Variants in MYO5A observed in about 807,000 individuals in gnomAD.
MYO5A encodes the protein unconventional myosin-Va.
A neutral mutation model predicts 249.7 loss-of-function variants in MYO5A; 98 were observed. The ratio of observed to expected loss-of-function variants is 0.39; its 90% CI spans 0.33 to 0.46. The LOEUF is 0.46. Ranked by LOEUF, MYO5A falls within the 20% of genes least tolerant of loss-of-function variation. The pLI is 0.98. For synonymous variants in MYO5A, 778 were observed against 810.6 expected, an observed-to-expected ratio of 0.96 and a Z score of 0.68; for missense variants, 1,696 against 2,308.8, an observed-to-expected ratio of 0.73 and a Z score of 5.44.
chr15:52,387,790 G>T, intron 14 of MYO5A, 39 bp downstream of exon 14: 1 of 1,389,116 alleles, frequency 7.2e-7, no homozygotes, highest in Non-Finnish European at 1.0e-6. Flanking sequence ...CTAATGCTTT[G>T]CATACATCCT....
At chr15:52,410,892 A>G (rs191981910) in intron 5 of MYO5A, among the ~76,000 whole-genome samples, 5 of 152,334 alleles carry the variant, frequency 3.3e-5, no homozygotes, top group African/African-American at 4.8e-5. Context: ...GATTCTTTTA[A>G]GAACAGAACC....
chr15:52,401,364 C>G (rs1325492640), intron 9 of MYO5A, among the ~76,000 whole-genome samples: 1 of 152,216 alleles, frequency 6.6e-6, no homozygotes, highest in Non-Finnish European at 1.5e-5. Flanking sequence ...GCTACCACGC[C>G]TGGCCTCTCA....
intron 28 of MYO5A, 97 bp from the exon 29 acceptor site, chr15:52,348,923 T>A (rs1203446268): frequency 7.6e-7 from 1 of 1,310,176 alleles, no homozygotes; most frequent in Non-Finnish European, 1.1e-6. Context: ...TTATAACAGA[T>A]AAAAGCTAAT....
At chr15:52,464,262 C>T (rs527293587) in intron 1 of MYO5A, among the ~76,000 whole-genome samples, 5 of 152,350 alleles carry the variant, frequency 3.3e-5, no homozygotes, top group Admixed American at 2.6e-4. Context: ...GATCTGGCCC[C>T]TACCCACAGG....
intron 23 of MYO5A, among the ~76,000 whole-genome samples, chr15:52,366,215 C>T (rs2040798308): frequency 6.6e-6 from 1 of 152,140 alleles, no homozygotes; most frequent in African/African-American, 2.4e-5. Context: ...CAACAACTGG[C>T]CTCATTAATT....
chr15:52,433,075 C>T, intron 2 of MYO5A, 100 bp downstream of exon 2: 1 of 920,970 alleles, frequency 1.1e-6, no homozygotes, highest in Non-Finnish European at 1.8e-6. Context: ...TAGGTAAGTT[C>T]AAAATTTAAC....
At position 52,403,833 on chromosome 15, in the gene MYO5A, A is replaced by C. The variant is rs542049105; in HGVS notation, c.1053+1454T>G. On this transcript the variant is annotated intron_variant, in intron 9 of 41. Coordinates refer to ENST00000399233, the MANE Select transcript of MYO5A (RefSeq NM_001382347.1). ...AAGAGGCTGGGGGAGGGGAGGAGGA[A>C]TCATGCATCTAAAATTAGGACCCAT... Among the ~76,000 whole-genome samples the C allele has an allele frequency of 3.3e-5, 5 of 152,330 alleles. No homozygotes were observed. The South Asian group carries it at 8.3e-4, about 25-fold the overall frequency.
chr15:52,526,633 G>A (rs2077735337), intron 1 of MYO5A, among the ~76,000 whole-genome samples: 1 of 152,138 alleles, frequency 6.6e-6, no homozygotes. Context: ...TGGGATTACA[G>A]GCGTGAGCTA....
At chr15:52,405,173 T>TTA (rs1166359436) in intron 9 of MYO5A, 114 bp downstream of exon 9, 2 of 800,122 alleles carry the variant, frequency 2.5e-6, no homozygotes, top group Non-Finnish European at 4.3e-6. Context: ...TCTTTGATAA[T>TTA]TATGTTTCTG....
At chr15:52,473,003 C>G (rs1349856644) in intron 1 of MYO5A, among the ~76,000 whole-genome samples, 1 of 152,242 alleles carries the variant, frequency 6.6e-6, no homozygotes, top group South Asian at 2.1e-4. Context: ...GTTTATAGTC[C>G]CACCAGCAGT....
At chr15:52,492,693 C>A (rs1455003940) in intron 1 of MYO5A, among the ~76,000 whole-genome samples, 1 of 152,182 alleles carries the variant, frequency 6.6e-6, no homozygotes, top group East Asian at 1.9e-4. Context: ...CTGCTATGCT[C>A]TTTTCTGCAC....
chr15:52,461,462 A>G (rs1308587521), intron 1 of MYO5A, among the ~76,000 whole-genome samples: 2 of 152,190 alleles, frequency 1.3e-5, no homozygotes, highest in Non-Finnish European at 2.9e-5. Context: ...AAAAACAGAA[A>G]CCTAGTCACC....
rs142579844 is a variant in MYO5A at position 52,395,079 on chromosome 15, T to C, written c.1401+1237A>G. On this transcript the variant is annotated intron_variant, in intron 11 of 41. Transcript: ENST00000399233. ...AAGGTTTTATAATGACAAGTAGCAATTCCTTGTCCCATCTCTCCCCAACCC... is the reference window on the plus strand; with the variant it reads ...AAGGTTTTATAATGACAAGTAGCAACTCCTTGTCCCATCTCTCCCCAACCC... Among the ~76,000 whole-genome samples the C allele has an allele frequency of 6.8e-4, 103 of 152,298 alleles. 1 individual carries two copies. Among genetic ancestry groups the C allele is most frequent in the African/African-American group, 2.2e-3 (93 of 41,570 alleles).
chr15:52,510,606 G>A (rs1006813605), intron 1 of MYO5A, among the ~76,000 whole-genome samples: 1 of 151,896 alleles, frequency 6.6e-6, no homozygotes, highest in Non-Finnish European at 1.5e-5. Flanking sequence ...ATTCTCATAG[G>A]AGCATGAACC....
chr15:52,359,777 A>G (rs1460466079), intron 25 of MYO5A, among the ~76,000 whole-genome samples, 191 bp downstream of exon 25: 3 of 152,248 alleles, frequency 2.0e-5, no homozygotes, highest in African/African-American at 7.2e-5. Context: ...TGCAATAGGT[A>G]TGTATGTACA....
chr15:52,345,122 C>A (rs1237635795), intron 30 of MYO5A, among the ~76,000 whole-genome samples: 1 of 152,142 alleles, frequency 6.6e-6, no homozygotes, highest in Non-Finnish European at 1.5e-5. Flanking sequence ...CACAGACGTT[C>A]GAATCCCTTA....
At chr15:52,473,858 T>C (rs1225275659) in intron 1 of MYO5A, among the ~76,000 whole-genome samples, 1 of 152,200 alleles carries the variant, frequency 6.6e-6, no homozygotes, top group African/African-American at 2.4e-5. Flanking sequence ...TGGCGTAGGA[T>C]TGTCTTGGCA....
At chr15:52,416,367 A>G (rs2043485862) in intron 4 of MYO5A, 66 bp from the exon 5 acceptor site, 2 of 1,533,270 alleles carry the variant, frequency 1.3e-6, no homozygotes, top group African/African-American at 2.7e-5. Flanking sequence ...GATAAGGGAA[A>G]CTATGGTCTC....
intron 1 of MYO5A, among the ~76,000 whole-genome samples, chr15:52,453,780 T>C (rs77231896): frequency 0.016 from 2,389 of 152,250 alleles, 52 homozygotes; most frequent in African/African-American, 0.055. Context: ...CTAAGATAAA[T>C]AGTCATCTCC....
Sources: allele counts gnomAD v4.1 joint callset (sites outside exome capture counted in the v4.1 genomes callset), GRCh38; gene constraint gnomAD v4.1.1; transcripts MANE v1.5; gene names NCBI Gene and HGNC (gene_info 2026-07-23, HGNC 2026-07-21).